BRDT: variants seen among roughly 807,000 people sequenced by gnomAD.
BRDT encodes the protein bromodomain testis associated, also known as bromodomain testis-specific protein.
Under a neutral mutation model 113.9 loss-of-function variants are expected in BRDT, and 77 were observed. That is an observed-to-expected ratio of 0.68 (90% CI 0.56 to 0.82). The LOEUF is 0.82. BRDT is among the 40% of genes least tolerant of loss of function. BRDT has a pLI of 0.00. For synonymous variants in BRDT, 358 were observed against 366.5 expected (o/e 0.98, Z 0.26); for missense variants, 1,027 against 1,105.4 (o/e 0.93, Z 1.01).
At chr1:92,007,486 G>A (rs920466717) in intron 18 of BRDT, among the ~76,000 whole-genome samples, 1 of 152,148 alleles carries the variant, frequency 6.6e-6, no homozygotes, top group African/African-American at 2.4e-5. Flanking sequence ...AGAACATGCA[G>A]TATTTGATTT....
intron 18 of BRDT, among the ~76,000 whole-genome samples, chr1:92,013,710 A>G (rs1239309096): frequency 6.6e-6 from 1 of 152,226 alleles, no homozygotes; most frequent in Non-Finnish European, 1.5e-5. Context: ...ATGCCTATAC[A>G]TAGAATAGAC....
Position 91,977,157 on chromosome 1 carries a change from A to G in BRDT, c.733A>G (p.Ile245Val). Residue 245 changes from isoleucine to valine, a missense_variant, in exon 6 of 19, where the codon ATA (isoleucine) becomes GTA (valine). Coordinates refer to ENST00000399546, the MANE Select transcript of BRDT (RefSeq NM_207189.4). The part of the protein sequence containing the change: ...FTEKSVALPP[I>V]KENMPKNVLP... ...AGAAAAATCAGTGGCACTGCCACCTATAAAAGAAAATATGCCAAAGAATGT... is the reference window on the plus strand; with the variant it reads ...AGAAAAATCAGTGGCACTGCCACCTGTAAAAGAAAATATGCCAAAGAATGT... 1.9e-6 allele frequency: 3 copies of G among 1,614,108 alleles called. No individual in the cohort carries two copies. The highest frequency in any genetic ancestry group is 1.7e-5 in the Admixed American group (1 of 60,022).
At chr1:91,961,797 T>C (rs1236454726) in intron 1 of BRDT, among the ~76,000 whole-genome samples, 1 of 152,148 alleles carries the variant, frequency 6.6e-6, no homozygotes, top group East Asian at 1.9e-4. Context: ...TATAGACTTT[T>C]CCTGCTAAGA....
intron 13 of BRDT, 40 bp from the exon 14 acceptor site, chr1:91,992,224 A>T (rs753063476): frequency 9.2e-7 from 1 of 1,087,448 alleles, no homozygotes; most frequent in South Asian, 1.8e-5. Context: ...TGGTTAAGAG[A>T]TAATATGATT....
rs575966997 is a variant in BRDT at position 91,981,657 on chromosome 1, C to A, written c.1904C>A (p.Ser635Tyr). ...CCATCCAAAGCTGTTGAAAATGTTTCCCGACTGAGTGAGAGCAGCAGCAGC... is the reference window on the plus strand; with the variant it reads ...CCATCCAAAGCTGTTGAAAATGTTTACCGACTGAGTGAGAGCAGCAGCAGC... The part of the protein sequence containing the change: ...TQPSKAVENV[S>Y]RLSESSSSSS... Residue 635 changes from serine (S) to tyrosine (Y), a missense_variant, in exon 12 of 19, where the codon TCC (serine) becomes TAC (tyrosine). Physicochemically the swap from Ser to Tyr is moderately radical, Grantham distance 144. Coordinates refer to ENST00000399546, the MANE Select transcript of BRDT (RefSeq NM_207189.4). 1 of 1,614,024 alleles carries A rather than the reference C, an allele frequency of 6.2e-7. No individual in the cohort carries two copies. Among genetic ancestry groups the A allele is most frequent in the South Asian group, 1.1e-5 (1 of 91,086 alleles).
chr1:91,967,217 A>C (rs1166167178), intron 3 of BRDT, among the ~76,000 whole-genome samples: 9 of 152,036 alleles, frequency 5.9e-5, no homozygotes, highest in Admixed American at 3.9e-4. Flanking sequence ...TTTTGTTTTA[A>C]CCTATTTGTG....
intron 18 of BRDT, among the ~76,000 whole-genome samples, chr1:92,007,017 G>A (rs987598169): frequency 6.6e-6 from 1 of 152,020 alleles, no homozygotes; most frequent in African/African-American, 2.4e-5. Context: ...TCGGACTCCT[G>A]AGCTCAGGCA....
At position 91,989,168 on chromosome 1, in the gene BRDT, A is replaced by AT. The variant is rs879671233; in HGVS notation, c.2003-2004dup. On this transcript the variant is annotated intron_variant, in intron 12 of 18. Coordinates refer to ENST00000399546, the MANE Select transcript of BRDT (RefSeq NM_207189.4). ...TAGAAAACTAAGGTGATGCCCTTGA[A>AT]TTTTTTTTTTTTAGTAGAACACCAA... is the stretch of plus-strand genomic sequence containing the variant. 4.4e-4 allele frequency among the ~76,000 whole-genome samples: 64 copies of AT among 147,000 alleles called. 1 individual carries two copies. The highest frequency in any genetic ancestry group is 1.4e-3 in the Admixed American group (20 of 14,720).
chr1:91,959,216 A>C (rs1397938519), intron 1 of BRDT, among the ~76,000 whole-genome samples: 1 of 152,116 alleles, frequency 6.6e-6, no homozygotes, highest in African/African-American at 2.4e-5. Context: ...AAATAATACT[A>C]TATGTAAAGT....
Position 91,964,055 on chromosome 1 carries a change from T to G in BRDT, c.193-572T>G, listed in dbSNP as rs138810914. Among the ~76,000 whole-genome samples the G allele has an allele frequency of 3.1e-3, 470 of 151,996 alleles. 4 individuals carry two copies. The highest frequency in any genetic ancestry group is 0.01 in the Middle Eastern group (3 of 294). ...CCTGGCTAATTTTCTGTTGTTTTTT[T>G]TTGTTGTTGTTGTTGTGTTTTTTGA... is the stretch of plus-strand genomic sequence containing the variant. On this transcript the variant is annotated intron_variant, in intron 2 of 18. Coordinates refer to ENST00000399546, the MANE Select transcript of BRDT (RefSeq NM_207189.4).
intron 12 of BRDT, among the ~76,000 whole-genome samples, chr1:91,988,415 T>A (rs745452019): frequency 7.9e-5 from 12 of 152,036 alleles, no homozygotes; most frequent in Non-Finnish European, 1.0e-4. Flanking sequence ...TTATTTATTT[T>A]TTTGAGACGG....
At chr1:92,005,804 T>A (rs1486169161) in intron 18 of BRDT, among the ~76,000 whole-genome samples, 1 of 152,234 alleles carries the variant, frequency 6.6e-6, no homozygotes, top group Admixed American at 6.5e-5. Context: ...TGAAGTGATT[T>A]ATCACTTACT....
chr1:91,971,429 A>C (rs942560780), intron 4 of BRDT, among the ~76,000 whole-genome samples: 1 of 152,234 alleles, frequency 6.6e-6, no homozygotes, highest in Admixed American at 6.5e-5. Flanking sequence ...GACTTCTGAC[A>C]GAAGCATTCC....
intron 12 of BRDT, among the ~76,000 whole-genome samples, chr1:91,989,421 T>G (rs1685569784): frequency 6.6e-6 from 1 of 152,108 alleles, no homozygotes; most frequent in Non-Finnish European, 1.5e-5. Flanking sequence ...AGTGCAGTGG[T>G]GCAATCTCGG....
chr1:91,998,976 A>G (rs1686594751), intron 15 of BRDT, among the ~76,000 whole-genome samples: 1 of 152,178 alleles, frequency 6.6e-6, no homozygotes, highest in African/African-American at 2.4e-5. Context: ...ATAATAGCAT[A>G]GTCAGTGGGG....
intron 7 of BRDT, among the ~76,000 whole-genome samples, chr1:91,978,904 A>G (rs1303264954): frequency 6.8e-6 from 1 of 148,034 alleles, no homozygotes; most frequent in Non-Finnish European, 1.5e-5. Context: ...GCGCTGAGAC[A>G]GGAGAATGGC....
chr1:91,988,981 A>G (rs1570578372), intron 12 of BRDT, among the ~76,000 whole-genome samples: 1 of 152,066 alleles, frequency 6.6e-6, no homozygotes, highest in Non-Finnish European at 1.5e-5. Context: ...TTTTGCTAAT[A>G]TCTTTAGATT....
intron 12 of BRDT, among the ~76,000 whole-genome samples, chr1:91,989,557 C>G (rs1232048426): frequency 6.6e-6 from 1 of 151,958 alleles, no homozygotes; most frequent in African/African-American, 2.4e-5. Flanking sequence ...GATGGGGTTT[C>G]AACTTGTTGG....
At chr1:91,961,917 G>A (rs1682490449) in intron 1 of BRDT, among the ~76,000 whole-genome samples, 1 of 151,940 alleles carries the variant, frequency 6.6e-6, no homozygotes, top group African/African-American at 2.4e-5. Context: ...CAGCACTTTG[G>A]GAGGCCGAGG....
Sources: gnomAD v4.1 joint callset for allele counts (sites outside exome capture counted in the v4.1 genomes callset) on GRCh38, gnomAD v4.1.1 for gene constraint, MANE v1.5 for transcripts, NCBI Gene and HGNC (gene_info 2026-07-23, HGNC 2026-07-21) for gene names.